The following PRORP variants were observed in gnomAD, a reference collection of about 807,000 sequenced individuals.
PRORP encodes mitochondrial ribonuclease P catalytic subunit.
In PRORP, 51 loss-of-function variants were observed where a neutral mutation model predicts 59.4. The observed-to-expected ratio is 0.86, with a 90% confidence interval of 0.69 to 1.08. PRORP has a LOEUF of 1.08. Ranked by LOEUF, PRORP falls within the 50% of genes least tolerant of loss-of-function variation. The pLI, the probability that PRORP is intolerant of heterozygous loss-of-function variation, is 0.00. For missense variants in PRORP, 646 were observed against 690.3 expected (o/e 0.94, Z 0.72); for synonymous variants, 231 against 245.6 (o/e 0.94, Z 0.55).
At chr14:35,206,211 T>G (rs1025391611) in intron 5 of PRORP, among the ~76,000 whole-genome samples, 6 of 152,212 alleles carry the variant, frequency 3.9e-5, no homozygotes, top group African/African-American at 1.4e-4. Context: ...ATTGTCCCTT[T>G]TGATCCTCTA....
At chr14:35,211,505 C>A (rs901076413) in intron 5 of PRORP, among the ~76,000 whole-genome samples, 1 of 152,080 alleles carries the variant, frequency 6.6e-6, no homozygotes, top group African/African-American at 2.4e-5. Flanking sequence ...AAGAAATATA[C>A]GTATACTGCA....
chr14:35,233,976 G>C (rs1338704089), intron 5 of PRORP, among the ~76,000 whole-genome samples: 1 of 152,156 alleles, frequency 6.6e-6, no homozygotes, highest in African/African-American at 2.4e-5. Context: ...GTCCTCTTAA[G>C]TTTGTTAAAG....
chr14:35,273,399 TG>T (rs1419720591), intron 7 of PRORP, 35 bp from the exon 8 acceptor site: 2 of 1,583,002 alleles, frequency 1.3e-6, no homozygotes. Flanking sequence ...CCTTTAGTGT[TG>T]TTCTCAATGT....
chr14:35,273,956 G>A lies in PRORP; in HGVS notation c.*390G>A, dbSNP rs2051261095. 1 of 159,008 alleles carries A rather than the reference G, an allele frequency of 6.3e-6. No individual in the cohort carries two copies. Among genetic ancestry groups the A allele is most frequent in the Non-Finnish European group, 1.4e-5 (1 of 72,620 alleles). 9.8% of individuals were successfully genotyped at this position (159,008 alleles called of 1,614,324 possible). A position where few individuals can be genotyped will look rare whatever the true frequency, so the allele number is the denominator to read the frequency against. ...CATCTGTCCCTGAGATACTCATGTT[G>A]TTTCAAATGCCTCCTCCCATTTCTG... On this transcript the variant is annotated 3_prime_UTR_variant, in exon 8 of 8. Transcript: ENST00000534898.
At chr14:35,230,128 C>G (rs908931356) in intron 5 of PRORP, among the ~76,000 whole-genome samples, 3 of 148,186 alleles carry the variant, frequency 2.0e-5, no homozygotes, top group African/African-American at 7.5e-5. Flanking sequence ...TCTCTGCTCA[C>G]TGCAACCTCT....
chr14:35,146,591 T>C (rs1045953395), intron 4 of PRORP, among the ~76,000 whole-genome samples: 1 of 152,184 alleles, frequency 6.6e-6, no homozygotes, highest in African/African-American at 2.4e-5. Context: ...AAATAAATGT[T>C]GTGTGGTAAA....
At chr14:35,225,958 C>T (rs941212627) in intron 5 of PRORP, among the ~76,000 whole-genome samples, 3 of 152,122 alleles carry the variant, frequency 2.0e-5, no homozygotes, top group African/African-American at 7.2e-5. Flanking sequence ...TGCCTCTAGC[C>T]TAACCAAAGC....
rs750259272 is a variant in PRORP, at chr14:35,266,892, A to G, written c.1424+17A>G. 7.0e-5 allele frequency: 113 copies of G among 1,613,890 alleles called. No homozygotes were observed. Among genetic ancestry groups the G allele is most frequent in the Non-Finnish European group, 9.3e-5 (110 of 1,179,946 alleles). On this transcript the variant is annotated intron_variant, in intron 6 of 7. Coordinates refer to ENST00000534898, the MANE Select transcript of PRORP (RefSeq NM_014672.4). ...TGATGACATGTAAGTGTTGGAGGTA[A>G]TAGGTGAATTATACTGTGCTGCAGA...
At chr14:35,246,552 G>C (rs754443576) in intron 5 of PRORP, among the ~76,000 whole-genome samples, 6 of 152,096 alleles carry the variant, frequency 3.9e-5, no homozygotes, top group Non-Finnish European at 8.8e-5. Context: ...GACTTTGTTG[G>C]ATCTGTAAAG....
At chr14:35,217,252 G>A (rs554678663) in intron 5 of PRORP, among the ~76,000 whole-genome samples, 1 of 152,108 alleles carries the variant, frequency 6.6e-6, no homozygotes, top group South Asian at 2.1e-4. Context: ...TGTAATCCCA[G>A]CACTTTGGGA....
chr14:35,132,372 C>T (rs990062203), intron 4 of PRORP, among the ~76,000 whole-genome samples: 7 of 151,738 alleles, frequency 4.6e-5, no homozygotes, highest in Non-Finnish European at 8.8e-5. Flanking sequence ...GCAGGAGAAT[C>T]GTTTGAACCT....
In PRORP at chr14:35,237,270, T is replaced by A. The variant is rs554949469; in HGVS notation, c.1276-29457T>A. On this transcript the variant is annotated intron_variant, in intron 5 of 7. Coordinates refer to ENST00000534898, the MANE Select transcript of PRORP (RefSeq NM_014672.4). The stretch of plus-strand genomic sequence containing the variant: ...ACCACATCCAACTAATTTTTAAATT[T>A]TTCGTAGAGACAAAGTCTCCCTATG... 2.0e-5 allele frequency among the ~76,000 whole-genome samples: 3 copies of A among 152,046 alleles called. No homozygotes were observed. The East Asian group carries it at 5.8e-4, about 30-fold the overall frequency.
intron 5 of PRORP, among the ~76,000 whole-genome samples, chr14:35,181,403 T>C (rs1036464452): frequency 2.6e-5 from 4 of 152,196 alleles, no homozygotes; most frequent in Admixed American, 1.3e-4. Context: ...CAAAATTAGA[T>C]TGTAGAGAGC....
At chr14:35,197,872 A>C (rs2049047399) in intron 5 of PRORP, among the ~76,000 whole-genome samples, 1 of 152,206 alleles carries the variant, frequency 6.6e-6, no homozygotes, top group African/African-American at 2.4e-5. Context: ...TAAAAGGTTT[A>C]AGGTTGGTGC....
intron 5 of PRORP, among the ~76,000 whole-genome samples, chr14:35,191,715 AAAACAAAC>A (rs1041240557): frequency 6.6e-6 from 1 of 152,104 alleles, no homozygotes; most frequent in Non-Finnish European, 1.5e-5. Context: ...AAACCAAACC[AAAACAAAC>A]AAACAAACAA....
At chr14:35,155,455 C>T (rs2047889074) in intron 4 of PRORP, among the ~76,000 whole-genome samples, 1 of 150,860 alleles carries the variant, frequency 6.6e-6, no homozygotes, top group Non-Finnish European at 1.5e-5. Context: ...GCTGTGGTGG[C>T]TCACAACTGT....
intron 4 of PRORP, among the ~76,000 whole-genome samples, chr14:35,172,799 C>G (rs900006382): frequency 1.3e-5 from 2 of 151,388 alleles, no homozygotes; most frequent in African/African-American, 2.4e-5. Context: ...ATCTCTTGAC[C>G]TCGTGATCCA....
Position 35,123,491 on chromosome 14 carries a change from TCA to T in PRORP, c.247_248del (p.His83PhefsTer8). On this transcript the variant is annotated frameshift_variant, in exon 2 of 8. Transcript: ENST00000534898. LOFTEE classifies it high-confidence loss of function. ...GTAATAAGCAAGTTTATTCTGTTCC[TCA>T]TTTTTTTTTAGCTGGAGCAGCTAAG... is the stretch of plus-strand genomic sequence containing the variant. ...GSNKQVYSVPHFFLAGAAKER... is the reference protein window; with the variant it reads ...GSNKQVYSVPXFFLAGAAKER... 1 of 1,614,068 alleles carries T rather than the reference TCA, an allele frequency of 6.2e-7. No individual in the cohort carries two copies. Among genetic ancestry groups the T allele is most frequent in the South Asian group, 1.1e-5 (1 of 91,088 alleles).
intron 5 of PRORP, among the ~76,000 whole-genome samples, chr14:35,224,155 TA>T (rs1224091953): frequency 1.3e-5 from 2 of 152,162 alleles, no homozygotes; most frequent in African/African-American, 4.8e-5. Flanking sequence ...ATATGAATCA[TA>T]GGGGAAAGAA....
Sources: gnomAD v4.1 joint callset for allele counts (sites outside exome capture counted in the v4.1 genomes callset) on GRCh38, gnomAD v4.1.1 for gene constraint, MANE v1.5 for transcripts, NCBI Gene and HGNC (gene_info 2026-07-23, HGNC 2026-07-21) for gene names.